The following PLSCR3 variants were observed in gnomAD, a reference collection of about 807,000 sequenced individuals.
PLSCR3 encodes the protein phospholipid scramblase 3, also known as PL scramblase 3.
PLSCR3 carries 17 observed loss-of-function variants against 33.7 expected under a neutral mutation model. That is an observed-to-expected ratio of 0.50 (90% CI 0.35 to 0.76). The LOEUF (loss-of-function observed/expected upper bound fraction) is 0.76, where lower values mean the gene tolerates loss of function less well. PLSCR3 is among the 30% of genes least tolerant of loss of function. The probability of loss-of-function intolerance (pLI) is 0.01; values close to 1 mark genes in which losing one functional copy is unlikely to be tolerated. For synonymous variants in PLSCR3, 166 were observed against 166.0 expected (o/e 1.00, Z 0.00); for missense variants, 360 against 394.1 (o/e 0.91, Z 0.73).
chr17:7,392,486 G>A lies in PLSCR3; in HGVS notation c.669+305C>T, dbSNP rs72842810. ...TCATACACAGCAGCCACATGGGCCC[G>A]GCCCACACAGACTTAATCGTCCTTC... On this transcript the variant is annotated intron_variant, in intron 6 of 7. Coordinates refer to ENST00000619711, the MANE Select transcript of PLSCR3 (RefSeq NM_020360.4). 7.0e-3 allele frequency among the ~76,000 whole-genome samples: 1,073 copies of A among 152,284 alleles called. 7 individuals carry two copies. The highest frequency in any genetic ancestry group is 0.024 in the Middle Eastern group (7 of 294).
At position 7,392,844 on chromosome 17, in the gene PLSCR3, G is replaced by A. The variant is rs912520986; in HGVS notation, c.616C>T (p.Arg206Ter). The change falls in exon 6 of 8, where the codon CGA (arginine) becomes TGA (stop). Residue 206 changes from arginine to a stop codon, truncating the protein, a stop_gained. Transcript: ENST00000619711. LOFTEE classifies it high-confidence loss of function. Reference protein sequence around the residue: ...IQDADRQTVLRVVGPCWTCGC... With the variant: ...IQDADRQTVL Reference sequence around the variant, plus strand: ...CAGGTCCAGCAGGGCCCCACCACTCGCAAGACTGTCTGGCGATCGGCATCC... The same window carrying A: ...CAGGTCCAGCAGGGCCCCACCACTCACAAGACTGTCTGGCGATCGGCATCC... 1.9e-6 allele frequency: 3 copies of A among 1,614,096 alleles called. No individual in the cohort carries two copies. The highest frequency in any genetic ancestry group is 2.5e-6 in the Non-Finnish European group (3 of 1,180,002).
At position 7,393,307 on chromosome 17, in the gene PLSCR3, G is replaced by C. The variant is rs958916185; in HGVS notation, c.344C>G (p.Pro115Arg). ...GCTCTCCTCGGCCGCCTGACCCAGG[G>C]GCTGCCCGGCCCCAGAGCGCAGTTC... ...RYELRSGAGQ[P>R]LGQAAEESNC... The change falls in exon 5 of 8, where the codon CCC becomes CGC. Residue 115 changes from proline to arginine, a missense_variant. Physicochemically the swap from Pro to Arg is moderately radical, Grantham distance 103. Transcript: ENST00000619711. 3 of 1,610,950 alleles carry C rather than the reference G, an allele frequency of 1.9e-6. No homozygotes were observed. The highest frequency in any genetic ancestry group is 1.7e-6 in the Non-Finnish European group (2 of 1,179,844).
rs748255530 is a variant in PLSCR3, at chr17:7,393,650, G to T, written c.194C>A (p.Pro65His). Residue 65 changes from proline (P) to histidine (H), a missense_variant, in exon 3 of 8, where the codon CCC becomes CAC. Coordinates refer to ENST00000619711, the MANE Select transcript of PLSCR3 (RefSeq NM_020360.4). ...AGGCACCCCTGGCAGTGGCAAGAAG[G>T]GGGCAGCAGACCCCAAGGCCACGGG... ...PGPVALGSAAPFLPLPGVPSG... is the reference protein window; with the variant it reads ...PGPVALGSAAHFLPLPGVPSG... 2.5e-6 allele frequency: 4 copies of T among 1,609,600 alleles called. No individual in the cohort carries two copies. Among genetic ancestry groups the T allele is most frequent in the East Asian group, 2.2e-5 (1 of 44,836 alleles).
chr17:7,390,732 G>A lies in PLSCR3; in HGVS notation c.733C>T (p.Arg245Ter), dbSNP rs570477982. ...RISKQWGGLV[R>*]EALTDADDFG... ...TCATCTGCATCTGTGAGGGCTTCTCGGACCAGGCCCCCCCACTGCTTGCTG... is the reference window on the plus strand; with the variant it reads ...TCATCTGCATCTGTGAGGGCTTCTCAGACCAGGCCCCCCCACTGCTTGCTG... The change falls in exon 7 of 8, where the codon CGA becomes TGA. Residue 245 changes from arginine to a stop codon, truncating the protein, a stop_gained. Coordinates refer to ENST00000619711, the MANE Select transcript of PLSCR3 (RefSeq NM_020360.4). LOFTEE classifies it high-confidence loss of function. 4.3e-6 allele frequency: 7 copies of A among 1,614,136 alleles called. No individual in the cohort carries two copies. Among genetic ancestry groups the A allele is most frequent in the Admixed American group, 1.7e-5 (1 of 60,012 alleles).
Position 7,390,769 on chromosome 17 carries a change from A to G in PLSCR3, c.696T>C (p.Ser232=). 1.2e-6 allele frequency: 2 copies of G among 1,614,032 alleles called. No homozygotes were observed. The highest frequency in any genetic ancestry group is 1.7e-6 in the Non-Finnish European group (2 of 1,180,002). The change falls in exon 7 of 8, where the codon AGT becomes AGC. Residue 232 remains serine (S), a synonymous_variant. Coordinates refer to ENST00000619711, the MANE Select transcript of PLSCR3 (RefSeq NM_020360.4). ...CCCACTGCTTGCTGATGCGGCCCAC[A>G]CTGCGGGATTCATCCCGAGTCTTCA... is the stretch of plus-strand genomic sequence containing the variant. The part of the protein sequence containing the change: ...FEVKTRDESR[S]VGRISKQWGG...
At chr17:7,390,817 G>C (rs1218107080) in intron 6 of PLSCR3, 22 bp from the exon 7 acceptor site, 1 of 1,613,012 alleles carries the variant, frequency 6.2e-7, no homozygotes, top group Non-Finnish European at 8.5e-7. Flanking sequence ...GAGGGAGAAA[G>C]GACCCAGCTG....
Position 7,390,271 on chromosome 17 carries a change from C to T in PLSCR3, c.*114G>A. On this transcript the variant is annotated 3_prime_UTR_variant, in exon 8 of 8. Transcript: ENST00000619711. Reference sequence around the variant, plus strand: ...GGAGTAGGGTAGGGATGGGGCCCCCCTTCTGTCCCCTGCAGTGTACATGGA... The same window carrying T: ...GGAGTAGGGTAGGGATGGGGCCCCCTTTCTGTCCCCTGCAGTGTACATGGA... The T allele has an allele frequency of 9.5e-6, 8 of 842,568 alleles. No individual in the cohort carries two copies. Among genetic ancestry groups the T allele is most frequent in the Non-Finnish European group, 1.3e-5 (7 of 551,260 alleles). 52.2% of individuals were successfully genotyped at this position (842,568 alleles called of 1,614,324 possible). A position where few individuals can be genotyped will look rare whatever the true frequency, so the allele number is the denominator to read the frequency against.
At position 7,393,248 on chromosome 17, in the gene PLSCR3, G is replaced by T; in HGVS notation, c.403C>A (p.Arg135=). The T allele has an allele frequency of 6.3e-7, 1 of 1,593,874 alleles. No individual in the cohort carries two copies. Among genetic ancestry groups the T allele is most frequent in the Non-Finnish European group, 8.5e-7 (1 of 1,175,480 alleles). Residue 135 remains arginine, a synonymous_variant, in exon 5 of 8, where the codon CGG becomes AGG. Coordinates refer to ENST00000619711, the MANE Select transcript of PLSCR3 (RefSeq NM_020360.4). ...CCARLCCGAR[R]PLRVRLADPG... is the part of the protein sequence containing the mutation. ...TCGGCCAGGCGGACACGCAGCGGCC[G>T]GCGGGCGCCACAGCACAGACGGGCG...
At position 7,393,691 on chromosome 17, in the gene PLSCR3, G is replaced by A. The variant is rs1905934068; in HGVS notation, c.153C>T (p.Leu51=). 6.3e-7 allele frequency: 1 copy of A among 1,580,906 alleles called. No homozygotes were observed. Among genetic ancestry groups the A allele is most frequent in the Non-Finnish European group, 8.6e-7 (1 of 1,169,094 alleles). The change falls in exon 3 of 8, where the codon CTC becomes CTT. Residue 51 remains leucine (L), a synonymous_variant. Coordinates refer to ENST00000619711, the MANE Select transcript of PLSCR3 (RefSeq NM_020360.4). ...QVPAPAPGFA[L]FPSPGPVALG... The stretch of plus-strand genomic sequence containing the variant: ...AGGCCACGGGGCCAGGCGAGGGGAA[G>A]AGGGCGAAGCCGGGAGCTGGGGCAG...
At chr17:7,392,973 G>A (rs1268626144) in intron 5 of PLSCR3, 21 bp from the exon 6 acceptor site, 16 of 1,600,014 alleles carry the variant, frequency 1.0e-5, no homozygotes, top group Non-Finnish European at 1.4e-5. Context: ...GAAGCAGACA[G>A]GGTCACTGCG....
At position 7,394,300 on chromosome 17, in the gene PLSCR3, C is replaced by A; in HGVS notation, c.-157-33G>T. The A allele has an allele frequency of 7.4e-6, 4 of 541,560 alleles. No homozygotes were observed. The highest frequency in any genetic ancestry group is 4.7e-4 in the Middle Eastern group (1 of 2,132). 33.5% of individuals were successfully genotyped at this position (541,560 alleles called of 1,614,324 possible). On this transcript the variant is annotated intron_variant, in intron 1 of 7. Coordinates refer to ENST00000619711, the MANE Select transcript of PLSCR3 (RefSeq NM_020360.4). This position sits in a 1 kb window ranked among gnomAD's most constrained non-coding sequence, Gnocchi z 5.3. ...GGGGAGAAACCCAAGTGTCAGTGGG[C>A]GGGACCGGGTACCTGGGACCCTGGA... is the stretch of plus-strand genomic sequence containing the variant.
chr17:7,392,054 G>A (rs182064267), intron 6 of PLSCR3, among the ~76,000 whole-genome samples: 65 of 152,312 alleles, frequency 4.3e-4, no homozygotes, highest in Admixed American at 1.7e-3. Flanking sequence ...GCATGGCGGC[G>A]CATGCCTGTA....
At position 7,393,803 on chromosome 17, in the gene PLSCR3, G is replaced by A; in HGVS notation, c.41C>T (p.Pro14Leu). Residue 14 changes from proline to leucine, a missense_variant, in exon 3 of 8, where the codon CCC becomes CTC. Physicochemically the swap from Pro to Leu is moderately conservative, Grantham distance 98 (BLOSUM62 -3). Transcript: ENST00000619711. Reference sequence around the variant, plus strand: ...AGGGGTGACAGGGTAGGGAGGTGGGGGCGAAGGGGCGTAGCCTTTGGGGGG... The same window carrying A: ...AGGGGTGACAGGGTAGGGAGGTGGGAGCGAAGGGGCGTAGCCTTTGGGGGG... Reference protein sequence around the residue: ...YLPPKGYAPSPPPPYPVTPGY... With the variant: ...YLPPKGYAPSLPPPYPVTPGY... 1 of 1,511,182 alleles carries A rather than the reference G, an allele frequency of 6.6e-7. No individual in the cohort carries two copies. Among genetic ancestry groups the A allele is most frequent in the Middle Eastern group, 1.9e-4 (1 of 5,184 alleles). The allele number at this position is 1,511,182 out of a possible 1,614,324, so 93.6% of individuals were successfully genotyped here. A position where few individuals can be genotyped will look rare whatever the true frequency, so the allele number is the denominator to read the frequency against.
At position 7,390,890 on chromosome 17, in the gene PLSCR3, C is replaced by G. The variant is rs1026270266; in HGVS notation, c.670-95G>C. On this transcript the variant is annotated intron_variant, in intron 6 of 7. Transcript: ENST00000619711. ...TCCCACAGTCGCACGTATGAATTTG[C>G]AGGGTCTCCACTCAGTGAATCTTCC... 1.1e-5 allele frequency: 14 copies of G among 1,272,138 alleles called. No homozygotes were observed. In the Admixed American group the frequency reaches 2.3e-4, roughly 21 times the overall value. The allele number at this position is 1,272,138 out of a possible 1,614,324, so 78.8% of individuals were successfully genotyped here.
chr17:7,394,011 C>G lies in PLSCR3; in HGVS notation c.7+93G>C. The G allele has an allele frequency of 6.7e-7, 1 of 1,484,778 alleles. No homozygotes were observed. Among genetic ancestry groups the G allele is most frequent in the South Asian group, 1.2e-5 (1 of 84,712 alleles). The allele number at this position is 1,484,778 out of a possible 1,614,324, so 92.0% of individuals were successfully genotyped here. On this transcript the variant is annotated intron_variant, in intron 2 of 7. Coordinates refer to ENST00000619711, the MANE Select transcript of PLSCR3 (RefSeq NM_020360.4). This position sits in a 1 kb window ranked among gnomAD's most constrained non-coding sequence, Gnocchi z 5.3. ...GAAGGAAGGGAGGGGCCCCACCCAG[C>G]CAGTCCGAGCACATTCCGGGAGGAT...
At chr17:7,392,399 G>A (rs1412775744) in intron 6 of PLSCR3, among the ~76,000 whole-genome samples, 1 of 152,114 alleles carries the variant, frequency 6.6e-6, no homozygotes, top group African/African-American at 2.4e-5. Flanking sequence ...ATTTTAGCAG[G>A]GCAGGCCACA....
Position 7,394,335 on chromosome 17 carries a change from G to A in PLSCR3, c.-157-68C>T. On this transcript the variant is annotated intron_variant, in intron 1 of 7. Transcript: ENST00000619711. This position sits in a 1 kb window ranked among gnomAD's most constrained non-coding sequence, Gnocchi z 5.3. Reference sequence around the variant, plus strand: ...TACCTGGGACCCTGGATTCCCTCGGGGGCCCCAGAACCGCCCCCTCCCTTT... The same window carrying A: ...TACCTGGGACCCTGGATTCCCTCGGAGGCCCCAGAACCGCCCCCTCCCTTT... 1.9e-6 allele frequency: 1 copy of A among 526,056 alleles called. No individual in the cohort carries two copies. The highest frequency in any genetic ancestry group is 2.7e-5 in the South Asian group (1 of 36,700). The allele number at this position is 526,056 out of a possible 1,614,324, so 32.6% of individuals were successfully genotyped here. A position where few individuals can be genotyped will look rare whatever the true frequency, so the allele number is the denominator to read the frequency against.
chr17:7,391,478 T>C lies in PLSCR3; in HGVS notation c.670-683A>G, dbSNP rs906379014. Reference sequence around the variant, plus strand: ...CAGCAACAGGCTCTGCTGATGTGGGTAGTTACTCCCCGTGACTTCCTGGTC... The same window carrying C: ...CAGCAACAGGCTCTGCTGATGTGGGCAGTTACTCCCCGTGACTTCCTGGTC... On this transcript the variant is annotated intron_variant, in intron 6 of 7. Transcript: ENST00000619711. The surrounding 1 kb of genome is among the most constrained non-coding windows in gnomAD (Gnocchi z 4.1). Among the ~76,000 whole-genome samples the C allele has an allele frequency of 6.6e-6, 1 of 152,178 alleles. No homozygotes were observed. The highest frequency in any genetic ancestry group is 1.5e-5 in the Non-Finnish European group (1 of 68,024).
rs1165086112 is a variant in PLSCR3, at chr17:7,390,282, T to A, written c.*103A>T. 1.2e-5 allele frequency: 11 copies of A among 913,890 alleles called. No individual in the cohort carries two copies. In the South Asian group the frequency reaches 1.4e-4, roughly 11 times the overall value. 56.6% of individuals were successfully genotyped at this position (913,890 alleles called of 1,614,324 possible). The stretch of plus-strand genomic sequence containing the variant: ...GGGATGGGGCCCCCCTTCTGTCCCC[T>A]GCAGTGTACATGGAGGAAAGGGGCT... On this transcript the variant is annotated 3_prime_UTR_variant, in exon 8 of 8. Transcript: ENST00000619711.
Sources: allele counts gnomAD v4.1 joint callset (sites outside exome capture counted in the v4.1 genomes callset), GRCh38; gene constraint gnomAD v4.1.1; non-coding constraint Gnocchi (gnomAD v3.1); transcripts MANE v1.5; gene names NCBI Gene and HGNC (gene_info 2026-07-23, HGNC 2026-07-21).